CTNNA3: variants seen among roughly 807,000 people sequenced by gnomAD.
CTNNA3 encodes catenin alpha 3, also known as catenin alpha-3.
A neutral mutation model predicts 95.7 loss-of-function variants in CTNNA3; 76 were observed. The observed-to-expected ratio is 0.79, with a 90% CI of 0.66 to 0.96. The LOEUF is 0.96. Among genes scored for constraint, CTNNA3 ranks in the 40% least tolerant of loss-of-function variants. The probability of loss-of-function intolerance (pLI) is 0.00; values close to 1 mark genes in which losing one functional copy is unlikely to be tolerated. For missense variants in CTNNA3, 1,191 were observed against 1,089.8 expected (o/e 1.09, Z -1.31); for synonymous variants, 431 against 374.4 (o/e 1.15, Z -1.74).
intron 5 of CTNNA3, among the ~76,000 whole-genome samples, chr10:67,311,931 T>C (rs1840818981): frequency 6.6e-6 from 1 of 152,026 alleles, no homozygotes; most frequent in African/African-American, 2.4e-5. Context: ...CCATCAATTA[T>C]ATCAACTTTT....
At chr10:66,163,708 A>T (rs1198176410) in intron 13 of CTNNA3, among the ~76,000 whole-genome samples, 6 of 152,048 alleles carry the variant, frequency 3.9e-5, no homozygotes, top group African/African-American at 1.4e-4. Flanking sequence ...GCACAAGGAG[A>T]TTATATTTTT....
chr10:67,144,928 T>G (rs983878515), intron 7 of CTNNA3, among the ~76,000 whole-genome samples: 25 of 152,202 alleles, frequency 1.6e-4, no homozygotes, highest in African/African-American at 6.0e-4. Context: ...CTAACTAAGC[T>G]TAAGCATTTC....
chr10:66,675,971 G>A (rs1391859746), intron 9 of CTNNA3, among the ~76,000 whole-genome samples: 2 of 152,096 alleles, frequency 1.3e-5, no homozygotes, highest in East Asian at 3.9e-4. Context: ...AAAGAGAGGT[G>A]CAAGGTCTCA....
chr10:66,241,221 G>GTAAAACT (rs1346695635), intron 13 of CTNNA3, among the ~76,000 whole-genome samples: 30 of 152,086 alleles, frequency 2.0e-4, no homozygotes, highest in Non-Finnish European at 3.4e-4. Context: ...AATTGAGTAA[G>GTAAAACT]GTCAATGAAA....
At chr10:66,811,260 T>A (rs967418284) in intron 7 of CTNNA3, among the ~76,000 whole-genome samples, 6 of 152,176 alleles carry the variant, frequency 3.9e-5, no homozygotes, top group African/African-American at 1.4e-4. Flanking sequence ...TTTCAAGATG[T>A]TCCAGATCCT....
intron 11 of CTNNA3, among the ~76,000 whole-genome samples, chr10:66,454,598 C>A (rs1210664594): frequency 2.7e-5 from 4 of 150,472 alleles, no homozygotes; most frequent in Admixed American, 2.0e-4. Flanking sequence ...TAATTTAAAT[C>A]TTCTCAAAAA....
intron 14 of CTNNA3, among the ~76,000 whole-genome samples, chr10:66,072,546 G>A (rs1017340608): frequency 2.6e-5 from 4 of 152,034 alleles, no homozygotes; most frequent in Non-Finnish European, 5.9e-5. Context: ...CTAGATTCAA[G>A]CAATTCTCCC....
rs541887816 is a variant in CTNNA3, at chr10:67,236,739, C to T, written c.580-16869G>A. ...CAAACATATGAAAAAATGCACATCA[C>T]TAATGATCAGGGAAATGCAAATCAA... On this transcript the variant is annotated intron_variant, in intron 5 of 17. Transcript: ENST00000433211. Among the ~76,000 whole-genome samples, 7 of 151,714 alleles carry T rather than the reference C, an allele frequency of 4.6e-5. No homozygotes were observed. The South Asian group carries it at 1.5e-3, about 32-fold the overall frequency.
Position 66,955,320 on chromosome 10 carries a change from T to C in CTNNA3, c.1048-179796A>G, listed in dbSNP as rs1285378645. The stretch of plus-strand genomic sequence containing the variant: ...ATCATTGTATCATGACTCTGAATAA[T>C]ATCTATCAATTACTGATTACTCACT... On this transcript the variant is annotated intron_variant, in intron 7 of 17. Transcript: ENST00000433211. Among the ~76,000 whole-genome samples the C allele has an allele frequency of 2.6e-5, 4 of 152,278 alleles. No homozygotes were observed. The East Asian group carries it at 5.8e-4, about 22-fold the overall frequency.
At chr10:67,527,453 A>G (rs970451669) in intron 4 of CTNNA3, among the ~76,000 whole-genome samples, 1 of 152,198 alleles carries the variant, frequency 6.6e-6, no homozygotes, top group Non-Finnish European at 1.5e-5. Flanking sequence ...GAGGACCAAC[A>G]ATTAACACCA....
At position 67,689,848 on chromosome 10, in the gene CTNNA3, G is replaced by A. The variant is rs186722972; in HGVS notation, c.-6+6152C>T. ...CCGCGCTAGTTGCTTTTAGCTGACCGACAGGTGCCCAGTATTTACCCCCAG... is the reference window on the plus strand; with the variant it reads ...CCGCGCTAGTTGCTTTTAGCTGACCAACAGGTGCCCAGTATTTACCCCCAG... On this transcript the variant is annotated intron_variant, in intron 1 of 17. Transcript: ENST00000433211. Among the ~76,000 whole-genome samples, 16 of 152,252 alleles carry A rather than the reference G, an allele frequency of 1.1e-4. No homozygotes were observed. In the East Asian group the frequency reaches 1.9e-3, roughly 18 times the overall value.
At chr10:67,035,714 C>T (rs1488330228) in intron 7 of CTNNA3, among the ~76,000 whole-genome samples, 5 of 152,118 alleles carry the variant, frequency 3.3e-5, no homozygotes, top group African/African-American at 1.2e-4. Flanking sequence ...AGACCTGAAC[C>T]ACATCAGCTG....
chr10:67,538,705 T>C (rs769026190), intron 4 of CTNNA3, among the ~76,000 whole-genome samples: 2 of 152,178 alleles, frequency 1.3e-5, no homozygotes, highest in Non-Finnish European at 2.9e-5. Flanking sequence ...GCTTACTTAA[T>C]AGAGTAGTTA....
At chr10:67,747,024 T>G (rs991305084) in intron 1 of CTNNA3, among the ~76,000 whole-genome samples, 1 of 152,156 alleles carries the variant, frequency 6.6e-6, no homozygotes, top group Non-Finnish European at 1.5e-5. Context: ...CACAGCCAGA[T>G]TGCCTCTTTA....
chr10:66,134,321 T>C (rs984893099), intron 13 of CTNNA3, among the ~76,000 whole-genome samples: 1 of 152,152 alleles, frequency 6.6e-6, no homozygotes, highest in East Asian at 1.9e-4. Context: ...TTTCATGCAC[T>C]GGTGGTTAGA....
chr10:66,942,607 C>CGT lies in CTNNA3; in HGVS notation c.1048-167085_1048-167084dup, dbSNP rs532361291. On this transcript the variant is annotated intron_variant, in intron 7 of 17. Transcript: ENST00000433211. ...GTGTGTATGTGTGTGTGTGTGTCTGCGTGTGTGTGCATGTGTCTCTCTCTT... is the reference window on the plus strand; with the variant it reads ...GTGTGTATGTGTGTGTGTGTGTCTGCGTGTGTGTGTGCATGTGTCTCTCTCTT... Among the ~76,000 whole-genome samples, 443 of 149,178 alleles carry CGT rather than the reference C, an allele frequency of 3.0e-3. 2 individuals are homozygous for CGT. Among genetic ancestry groups the CGT allele is most frequent in the African/African-American group, 0.01 (425 of 40,602 alleles).
intron 10 of CTNNA3, among the ~76,000 whole-genome samples, chr10:66,616,451 T>C (rs992555053): frequency 6.6e-6 from 1 of 152,112 alleles, no homozygotes; most frequent in Non-Finnish European, 1.5e-5. Context: ...TTTAAAGATA[T>C]AATGAGAGTG....
chr10:67,636,133 G>A (rs1239779909), intron 2 of CTNNA3, among the ~76,000 whole-genome samples: 1 of 152,042 alleles, frequency 6.6e-6, no homozygotes, highest in Non-Finnish European at 1.5e-5. Flanking sequence ...CTTCTTCAAG[G>A]AGAACTACAA....
chr10:66,555,113 A>T (rs1475084083), intron 10 of CTNNA3, among the ~76,000 whole-genome samples: 3 of 152,082 alleles, frequency 2.0e-5, no homozygotes, highest in African/African-American at 7.2e-5. Context: ...TGATTTCTCA[A>T]ATGACTTGAA....
Sources: allele counts gnomAD v4.1 joint callset (sites outside exome capture counted in the v4.1 genomes callset), GRCh38; gene constraint gnomAD v4.1.1; transcripts MANE v1.5; gene names NCBI Gene and HGNC (gene_info 2026-07-23, HGNC 2026-07-21).